PDE4D: variants seen among roughly 807,000 people sequenced by gnomAD.
PDE4D encodes phosphodiesterase 4D.
Under a neutral mutation model 87.4 loss-of-function variants are expected in PDE4D, and 24 were observed. The observed-to-expected ratio is 0.27, with a 90% CI of 0.20 to 0.39. The LOEUF (loss-of-function observed/expected upper bound fraction) is 0.39. Ranked by LOEUF, PDE4D falls within the 10% of genes least tolerant of loss-of-function variation. PDE4D has a pLI of 1.00. For synonymous variants in PDE4D, 384 were observed against 383.2 expected (o/e 1.00, Z -0.02); for missense variants, 714 against 1,041.0 (o/e 0.69, Z 4.32).
chr5:60,275,761 T>C (rs1352315795), intron 1 of PDE4D, among the ~76,000 whole-genome samples: 1 of 152,132 alleles, frequency 6.6e-6, no homozygotes, highest in Non-Finnish European at 1.5e-5. Flanking sequence ...TTTTAATGTA[T>C]GTATTTGGTA....
At chr5:59,376,859 A>G (rs2153600780) in intron 1 of PDE4D, among the ~76,000 whole-genome samples, 1 of 152,300 alleles carries the variant, frequency 6.6e-6, no homozygotes, top group African/African-American at 2.4e-5. Context: ...GGAACAGGAT[A>G]GAGAACCTAG....
At chr5:59,483,712 T>C (rs1335760244) in intron 1 of PDE4D, among the ~76,000 whole-genome samples, 3 of 152,064 alleles carry the variant, frequency 2.0e-5, no homozygotes, top group African/African-American at 4.8e-5. Context: ...AATGACCACA[T>C]ACAAAGACAG....
intron 3 of PDE4D, chr5:59,986,528 G>A (rs1762473026): frequency 6.6e-6 from 1 of 152,200 alleles, no homozygotes; most frequent in African/African-American, 2.4e-5. Context: ...TTAAATTAGT[G>A]CATTTTAATT....
chr5:59,253,814 C>A (rs1760448731), intron 1 of PDE4D, among the ~76,000 whole-genome samples: 1 of 152,084 alleles, frequency 6.6e-6, no homozygotes, highest in Non-Finnish European at 1.5e-5. Flanking sequence ...CCCTCTATGG[C>A]ACCCTAGAAG....
Position 59,055,731 on chromosome 5 carries a change from C to A in PDE4D, c.809-16760G>T, listed in dbSNP as rs139061641. The stretch of plus-strand genomic sequence containing the variant: ...AAAGTTGAAGAGAATCCACATACTT[C>A]TTCTGTTTTTGTTTTACCTAGCAAG... On this transcript the variant is annotated intron_variant, in intron 5 of 14. Coordinates refer to ENST00000340635, the MANE Select transcript of PDE4D (RefSeq NM_001104631.2). Among the ~76,000 whole-genome samples, 88 of 152,192 alleles carry A rather than the reference C, an allele frequency of 5.8e-4. No homozygotes were observed. In the East Asian group the frequency reaches 0.013, roughly 22 times the overall value.
intron 5 of PDE4D, chr5:59,157,228 A>G: frequency 2.9e-6 from 2 of 688,922 alleles, no homozygotes; most frequent in South Asian, 1.6e-5. Context: ...ACTGAAGCCT[A>G]GTAAATCACT....
chr5:59,405,269 T>C (rs1327256985), intron 1 of PDE4D, among the ~76,000 whole-genome samples: 8 of 152,226 alleles, frequency 5.3e-5, no homozygotes, highest in African/African-American at 1.9e-4. Context: ...CCGTGTTTTA[T>C]AGTTTTCATT....
intron 1 of PDE4D, among the ~76,000 whole-genome samples, chr5:60,483,147 T>C (rs1430025986): frequency 6.6e-6 from 1 of 152,130 alleles, no homozygotes; most frequent in African/African-American, 2.4e-5. Flanking sequence ...TATAAGAAAA[T>C]TTTTATGTTT....
At chr5:59,849,213 A>C (rs1197523164) in intron 1 of PDE4D, among the ~76,000 whole-genome samples, 1 of 152,064 alleles carries the variant, frequency 6.6e-6, no homozygotes, top group Non-Finnish European at 1.5e-5. Context: ...AGTCATCTGG[A>C]AAACTAAAAA....
chr5:60,036,688 C>T (rs1171346605), intron 2 of PDE4D, among the ~76,000 whole-genome samples: 1 of 152,176 alleles, frequency 6.6e-6, no homozygotes, highest in African/African-American at 2.4e-5. Flanking sequence ...CAATGTTGTC[C>T]TCTTACCAAA....
At chr5:59,986,466 G>A (rs564067977) in intron 3 of PDE4D, 2 of 152,288 alleles carry the variant, frequency 1.3e-5, no homozygotes, top group East Asian at 3.9e-4. Context: ...AGAAATCATG[G>A]TTAGCAACCA....
intron 1 of PDE4D, among the ~76,000 whole-genome samples, chr5:59,708,905 C>CTT (rs1163498058): frequency 0.07 from 9,450 of 135,310 alleles, 963 homozygotes; most frequent in African/African-American, 0.23. Flanking sequence ...TCTCATCTGG[C>CTT]TTTTTTTTTT....
intron 1 of PDE4D, among the ~76,000 whole-genome samples, chr5:59,877,797 T>C (rs1008010343): frequency 2.0e-5 from 3 of 151,662 alleles, no homozygotes; most frequent in African/African-American, 4.9e-5. Context: ...CCAGCCTGAG[T>C]GACAAAGCAA....
chr5:59,350,022 A>G (rs984999824), intron 1 of PDE4D, among the ~76,000 whole-genome samples: 1 of 152,128 alleles, frequency 6.6e-6, no homozygotes, highest in African/African-American at 2.4e-5. Flanking sequence ...TTCAATTTTG[A>G]AAAAAATGCA....
chr5:60,198,313 A>C (rs111953374), intron 1 of PDE4D, among the ~76,000 whole-genome samples: 2,175 of 151,668 alleles, frequency 0.014, 72 homozygotes, highest in Middle Eastern at 0.034. Flanking sequence ...GAACTCTAAG[A>C]TATCCCCTAA....
chr5:59,794,368 A>G (rs1352433526), intron 1 of PDE4D, among the ~76,000 whole-genome samples: 1 of 152,214 alleles, frequency 6.6e-6, no homozygotes, highest in Non-Finnish European at 1.5e-5. Flanking sequence ...TAAGATGCTC[A>G]TGAAGAAAAG....
intron 3 of PDE4D, among the ~76,000 whole-genome samples, chr5:59,985,126 T>TC (rs1762296181): frequency 9.4e-6 from 1 of 106,140 alleles, no homozygotes; most frequent in Non-Finnish European, 2.2e-5. Flanking sequence ...CACCTTTCGT[T>TC]TTTTGTTTTT....
At chr5:59,198,359 ATATG>A (rs1484874711) in intron 2 of PDE4D, among the ~76,000 whole-genome samples, 1 of 152,218 alleles carries the variant, frequency 6.6e-6, no homozygotes, top group African/African-American at 2.4e-5. Flanking sequence ...ATGTATGCAC[ATATG>A]TATGTATGTG....
chr5:59,768,679 C>T, intron 1 of PDE4D: 2 of 1,455,346 alleles, frequency 1.4e-6, no homozygotes, highest in Non-Finnish European at 1.8e-6. Context: ...AGGAGGCGAG[C>T]GCACTCCTCC....
Sources: allele counts gnomAD v4.1 joint callset (sites outside exome capture counted in the v4.1 genomes callset), GRCh38; gene constraint gnomAD v4.1.1; transcripts MANE v1.5; gene names NCBI Gene and HGNC (gene_info 2026-07-23, HGNC 2026-07-21).